SLC52A3: variants seen among roughly 807,000 people sequenced by gnomAD.
The protein encoded by SLC52A3 is solute carrier family 52 member 3.
A neutral mutation model predicts 29.5 loss-of-function variants in SLC52A3; 20 were observed. That is an observed-to-expected ratio of 0.68 (90% CI 0.48 to 0.99). SLC52A3 has a LOEUF of 0.99. SLC52A3 is among the 50% of genes least tolerant of loss of function. The probability of loss-of-function intolerance (pLI) is 0.00; values close to 1 mark genes in which losing one functional copy is unlikely to be tolerated. For missense variants in SLC52A3, 548 were observed against 612.9 expected (o/e 0.89, Z 1.12); for synonymous variants, 301 against 271.0 (o/e 1.11, Z -1.09).
At chr20:777,140 G>A (rs1410973392), upstream of SLC52A3, among the ~76,000 whole-genome samples, 1 of 152,122 alleles carries the variant, frequency 6.6e-6, no homozygotes, top group Non-Finnish European at 1.5e-5. Context: ...AGAGACTGAG[G>A]CAGGAGAATT....
intron 1 of SLC52A3, among the ~76,000 whole-genome samples, chr20:767,043 G>A (rs1037635874): frequency 6.7e-6 from 1 of 149,050 alleles, no homozygotes; most frequent in African/African-American, 2.4e-5. Context: ...GTAATAGCAA[G>A]TTATGGGAAA....
chr20:763,408 A>T (rs1986553269), intron 3 of SLC52A3, 90 bp downstream of exon 3: 1 of 1,554,756 alleles, frequency 6.4e-7, no homozygotes, highest in Admixed American at 1.8e-5. Context: ...TAACCACTAC[A>T]TGTACAGCCC....
intron 3 of SLC52A3, among the ~76,000 whole-genome samples, chr20:763,100 C>T (rs1279840198): frequency 1.3e-5 from 2 of 152,252 alleles, no homozygotes; most frequent in Non-Finnish European, 2.9e-5. Flanking sequence ...GCTCTTTCTC[C>T]AAGCCTCAGG....
intron 4 of SLC52A3, 47 bp from the exon 5 acceptor site, chr20:761,285 GC>G: frequency 6.6e-7 from 1 of 1,510,768 alleles, no homozygotes; most frequent in Non-Finnish European, 8.9e-7. Flanking sequence ...GGCTTGCGGG[GC>G]GAGCGCCGGA....
rs544612142 is a variant in SLC52A3, at chr20:761,235, C to A, written c.1201G>T (p.Ala401Ser). ...CAGCCGCTGAAAAGCACCCACGAGG[C>A]CACCTGCGGGGCCGGGAGGGAAGAG... The part of the protein sequence containing the change: ...GHWGGEVLIV[A>S]SWVLFSGCLS... The change falls in exon 5 of 5, where the codon GCC (alanine) becomes TCC (serine). Residue 401 changes from alanine (A) to serine (S), a missense_variant. Around this residue, in one of 2 missense-constraint regions of SLC52A3, gnomAD observed 173 missense variants for 141.8 expected, o/e 1.22. Transcript: ENST00000645534. 2.6e-6 allele frequency: 4 copies of A among 1,548,398 alleles called. No individual in the cohort carries two copies. Among genetic ancestry groups the A allele is most frequent in the Admixed American group, 3.9e-5 (2 of 51,368 alleles).
intron 3 of SLC52A3, 38 bp downstream of exon 3, chr20:763,460 C>G (rs747278563): frequency 1.2e-6 from 2 of 1,613,004 alleles, no homozygotes; most frequent in South Asian, 2.2e-5. Flanking sequence ...ATGAAGTGTT[C>G]CCCCACTAGG....
Position 760,908 on chromosome 20 carries a change from GC to G in SLC52A3, c.*117del, listed in dbSNP as rs755342313. 1.0e-4 allele frequency: 107 copies of G among 1,059,614 alleles called. No individual in the cohort carries two copies. Among genetic ancestry groups the G allele is most frequent in the Non-Finnish European group, 1.4e-4 (104 of 725,006 alleles). 65.6% of individuals were successfully genotyped at this position (1,059,614 alleles called of 1,614,324 possible). A position where few individuals can be genotyped will look rare whatever the true frequency, so the allele number is the denominator to read the frequency against. ...TCCCCACAGTCCCCAGTGGGCACTT[GC>G]GTTCATGATTCAATTACTCAGGCTC... is the stretch of plus-strand genomic sequence containing the variant. On this transcript the variant is annotated 3_prime_UTR_variant, in exon 5 of 5. Coordinates refer to ENST00000645534, the MANE Select transcript of SLC52A3 (RefSeq NM_033409.4). This position sits in a 1 kb window ranked among gnomAD's most constrained non-coding sequence, Gnocchi z 4.9.
chr20:761,405 C>T (rs1986472999), intron 4 of SLC52A3, 167 bp from the exon 5 acceptor site: 3 of 842,526 alleles, frequency 3.6e-6, no homozygotes, highest in Non-Finnish European at 5.4e-6. Flanking sequence ...GAGTTGGCCG[C>T]CCGGGGGCGA....
chr20:760,954 C>A lies in SLC52A3; in HGVS notation c.*72G>T. 1 of 1,442,398 alleles carries A rather than the reference C, an allele frequency of 6.9e-7. No homozygotes were observed. Among genetic ancestry groups the A allele is most frequent in the Non-Finnish European group, 9.5e-7 (1 of 1,050,460 alleles). 89.3% of individuals were successfully genotyped at this position (1,442,398 alleles called of 1,614,324 possible). A position where few individuals can be genotyped will look rare whatever the true frequency, so the allele number is the denominator to read the frequency against. On this transcript the variant is annotated 3_prime_UTR_variant, in exon 5 of 5. Transcript: ENST00000645534. This position sits in a 1 kb window ranked among gnomAD's most constrained non-coding sequence, Gnocchi z 4.9. Reference sequence around the variant, plus strand: ...AGGCTCTGTCTCTCTGTTCCTGCCCCTTGCTCTGTGACCTGGCCTCTCTGG... The same window carrying A: ...AGGCTCTGTCTCTCTGTTCCTGCCCATTGCTCTGTGACCTGGCCTCTCTGG...
Position 765,873 on chromosome 20 carries a change from C to A in SLC52A3, c.-51-48G>T. On this transcript the variant is annotated intron_variant, in intron 1 of 4. Coordinates refer to ENST00000645534, the MANE Select transcript of SLC52A3 (RefSeq NM_033409.4). The surrounding 1 kb of genome is among the most constrained non-coding windows in gnomAD (Gnocchi z 6.6). ...GAGTAATTCCAGCTTCACCACCTAG[C>A]AAGATGCTGGGACCTGGGGCCCAGA... 8.3e-7 allele frequency: 1 copy of A among 1,207,570 alleles called. No homozygotes were observed. Among genetic ancestry groups the A allele is most frequent in the Non-Finnish European group, 1.2e-6 (1 of 834,374 alleles). The allele number at this position is 1,207,570 out of a possible 1,614,324, so 74.8% of individuals were successfully genotyped here. A position where few individuals can be genotyped will look rare whatever the true frequency, so the allele number is the denominator to read the frequency against.
At chr20:764,125 A>G (rs1390710031) in intron 2 of SLC52A3, 122 bp from the exon 3 acceptor site, 5 of 1,093,848 alleles carry the variant, frequency 4.6e-6, no homozygotes, top group East Asian at 2.6e-5. Flanking sequence ...ATAAATAAAC[A>G]TAACTAACAA....
At chr20:767,688 T>C (rs1289689719) in intron 1 of SLC52A3, among the ~76,000 whole-genome samples, 1 of 152,196 alleles carries the variant, frequency 6.6e-6, no homozygotes, top group East Asian at 1.9e-4. Flanking sequence ...AGAGTTTTGA[T>C]TTGTGAACCA....
upstream of SLC52A3, among the ~76,000 whole-genome samples, chr20:776,207 G>A (rs1479482815): frequency 7.2e-5 from 11 of 152,204 alleles, no homozygotes; most frequent in Admixed American, 7.2e-4. Flanking sequence ...CATGAGGGTT[G>A]ATCCCCAGTT....
chr20:762,070 G>A (rs531265814), intron 3 of SLC52A3, among the ~76,000 whole-genome samples: 53 of 152,312 alleles, frequency 3.5e-4, no homozygotes, highest in Admixed American at 9.2e-4. Flanking sequence ...CTCTGGCACC[G>A]GATGGTCCTG....
intron 1 of SLC52A3, among the ~76,000 whole-genome samples, chr20:774,872 C>T (rs1457117900): frequency 1.3e-5 from 2 of 152,242 alleles, no homozygotes; most frequent in East Asian, 1.9e-4. Context: ...CTGTGGCAGA[C>T]ATTCAGGCCT....
intron 4 of SLC52A3, 113 bp from the exon 5 acceptor site, chr20:761,351 G>T: frequency 8.2e-7 from 1 of 1,217,368 alleles, no homozygotes; most frequent in Non-Finnish European, 1.1e-6. Flanking sequence ...CTAGGTGCGA[G>T]GAGCGCCTTC....
In SLC52A3 at chr20:761,107, T is replaced by C. The variant is rs1599955667; in HGVS notation, c.1329A>G (p.Gly443=). 1.2e-6 allele frequency: 2 copies of C among 1,605,568 alleles called. No individual in the cohort carries two copies. The highest frequency in any genetic ancestry group is 8.5e-7 in the Non-Finnish European group (1 of 1,176,880). Residue 443 remains glycine, a synonymous_variant, in exon 5 of 5, where the codon GGA becomes GGG. Coordinates refer to ENST00000645534, the MANE Select transcript of SLC52A3 (RefSeq NM_033409.4). ...GAAVQLGSLL[G]ALLMFPLVNV... is the part of the protein sequence containing the mutation. ...TGACCAGAGGGAACATGAGCAGCGC[T>C]CCGAGCAGCGAGCCCAGCTGCACCG...
intron 2 of SLC52A3, 25 bp from the exon 3 acceptor site, chr20:764,028 G>T (rs757967585): frequency 4.0e-6 from 3 of 749,378 alleles, no homozygotes; most frequent in Admixed American, 2.6e-5. Context: ...ACAGATCCCT[G>T]GTCAGGGGAG....
intron 1 of SLC52A3, among the ~76,000 whole-genome samples, chr20:775,071 C>T (rs1986970937): frequency 6.6e-6 from 1 of 152,198 alleles, no homozygotes; most frequent in Non-Finnish European, 1.5e-5. Flanking sequence ...CCTTCTCCTC[C>T]CTCCCAAGGC....
Sources: allele counts gnomAD v4.1 joint callset (sites outside exome capture counted in the v4.1 genomes callset), GRCh38; gene constraint gnomAD v4.1.1; regional missense constraint gnomAD v4.1.1; non-coding constraint Gnocchi (gnomAD v3.1); transcripts MANE v1.5; gene names NCBI Gene and HGNC (gene_info 2026-07-23, HGNC 2026-07-21).